DPYSL5: variants seen among roughly 807,000 people sequenced by gnomAD.
DPYSL5 encodes the protein dihydropyrimidinase like 5, also known as dihydropyrimidinase-related protein 5.
DPYSL5 carries 9 observed loss-of-function variants against 58.4 expected under a neutral mutation model. The ratio of observed to expected loss-of-function variants is 0.15; its 90% CI spans 0.09 to 0.27. The LOEUF is 0.27. DPYSL5 is among the 10% of genes least tolerant of loss of function. DPYSL5 has a pLI of 1.00. For synonymous variants in DPYSL5, 293 were observed against 301.9 expected, an observed-to-expected ratio of 0.97 and a Z score of 0.31; for missense variants, 499 against 770.6, an observed-to-expected ratio of 0.65 and a Z score of 4.17.
rs1304751262 is a variant in DPYSL5 at position 26,948,923 on chromosome 2, A to T, written c.*1928A>T. 1.3e-5 allele frequency: 2 copies of T among 152,172 alleles called. No homozygotes were observed. The highest frequency in any genetic ancestry group is 2.9e-5 in the Non-Finnish European group (2 of 68,036). The allele number at this position is 152,172 out of a possible 1,614,324, so 9.4% of individuals were successfully genotyped here. A position where few individuals can be genotyped will look rare whatever the true frequency, so the allele number is the denominator to read the frequency against. ...GTAGTGCTTTTCATGTATTCAAACCACTTCCGTATATGACCTCTCACTTAG... is the reference window on the plus strand; with the variant it reads ...GTAGTGCTTTTCATGTATTCAAACCTCTTCCGTATATGACCTCTCACTTAG... On this transcript the variant is annotated 3_prime_UTR_variant, in exon 13 of 13. Transcript: ENST00000288699.
At chr2:26,932,980 C>T (rs3820821) in intron 6 of DPYSL5, among the ~76,000 whole-genome samples, 89,823 of 152,122 alleles carry the variant, frequency 0.59, 26,875 homozygotes, top group East Asian at 0.68. Context: ...GGAGAAAATG[C>T]GAGGTTCAGA....
chr2:26,873,805 C>G (rs1558326104), intron 1 of DPYSL5, among the ~76,000 whole-genome samples: 1 of 152,144 alleles, frequency 6.6e-6, no homozygotes, highest in Non-Finnish European at 1.5e-5. Flanking sequence ...AGGGGTGGAT[C>G]TTCTTTACTC....
chr2:26,914,900 G>C (rs1664525886), intron 2 of DPYSL5, among the ~76,000 whole-genome samples: 1 of 152,124 alleles, frequency 6.6e-6, no homozygotes, highest in Non-Finnish European at 1.5e-5. Flanking sequence ...GGAAGTTTCT[G>C]TGCCTTGGTA....
intron 6 of DPYSL5, 38 bp downstream of exon 6, chr2:26,931,722 A>T: frequency 6.2e-7 from 1 of 1,611,912 alleles, no homozygotes; most frequent in Non-Finnish European, 8.5e-7. Context: ...TTAGAAACCA[A>T]CCTTGGCCAG....
In DPYSL5 at chr2:26,942,705, G is replaced by T; in HGVS notation, c.1395G>T (p.Arg465Ser). The T allele has an allele frequency of 6.2e-7, 1 of 1,614,080 alleles. No homozygotes were observed. The highest frequency in any genetic ancestry group is 8.5e-7 in the Non-Finnish European group (1 of 1,180,030). Residue 465 changes from arginine to serine, a missense_variant, in exon 11 of 13, where the codon AGG becomes AGT. Around this residue, in one of 3 missense-constraint regions of DPYSL5, gnomAD observed 404 missense variants for 647.6 expected, o/e 0.62. Transcript: ENST00000288699. This position sits in a 1 kb window ranked among gnomAD's most constrained non-coding sequence, Gnocchi z 5.9. ...AEGTGKFCPL[R>S]SFPDTVYKKL... ...GCACCGGCAAGTTCTGTCCCCTGAG[G>T]TCCTTCCCAGACACTGTCTACAAGA... is the stretch of plus-strand genomic sequence containing the variant.
chr2:26,932,155 GAAAGAAAGAAAGA>G lies in DPYSL5; in HGVS notation c.714+474_714+486del, dbSNP rs1665028562. ...AAAGAAAGAGAAAGAAAGAAAGAAAGAAAGAAAGAAAGAAAGAAAGAAAGAAAGAAAGAAAGAA... is the reference window on the plus strand; with the variant it reads ...AAAGAAAGAGAAAGAAAGAAAGAAAGAAGAAAGAAAGAAAGAAAGAAAGAA... On this transcript the variant is annotated intron_variant, in intron 6 of 12. Coordinates refer to ENST00000288699, the MANE Select transcript of DPYSL5 (RefSeq NM_020134.4). Among the ~76,000 whole-genome samples the G allele has an allele frequency of 5.7e-5, 3 of 52,286 alleles. 1 individual carries two copies. The highest frequency in any genetic ancestry group is 2.1e-4 in the African/African-American group (3 of 14,412). 34.3% of individuals were successfully genotyped at this position (52,286 alleles called of 152,430 possible). A position where few individuals can be genotyped will look rare whatever the true frequency, so the allele number is the denominator to read the frequency against.
At chr2:26,885,224 AC>A (rs1358728660) in intron 1 of DPYSL5, among the ~76,000 whole-genome samples, 4 of 151,910 alleles carry the variant, frequency 2.6e-5, no homozygotes, top group African/African-American at 9.7e-5. Flanking sequence ...ATAAAAAAAA[AC>A]CTGTCTCAGG....
Position 26,944,606 on chromosome 2 carries a change from G to T in DPYSL5, c.1441-50G>T. ...AGGGAGGCCATGGTTGTATCACTCA[G>T]CTCTGATGGTGTTGTCCTGTTCTTC... On this transcript the variant is annotated intron_variant, in intron 11 of 12. Transcript: ENST00000288699. The surrounding 1 kb of genome is among the most constrained non-coding windows in gnomAD (Gnocchi z 4.4). 1 of 1,592,940 alleles carries T rather than the reference G, an allele frequency of 6.3e-7. No individual in the cohort carries two copies. Among genetic ancestry groups the T allele is most frequent in the Non-Finnish European group, 8.6e-7 (1 of 1,167,586 alleles).
chr2:26,917,934 G>A (rs562128184), intron 2 of DPYSL5, among the ~76,000 whole-genome samples: 4 of 152,080 alleles, frequency 2.6e-5, no homozygotes, highest in African/African-American at 4.8e-5. Flanking sequence ...TCAGGAGTTC[G>A]AGACCAGCCT....
chr2:26,867,325 CTG>C (rs1666167991), intron 1 of DPYSL5, among the ~76,000 whole-genome samples: 1 of 152,146 alleles, frequency 6.6e-6, no homozygotes, highest in Non-Finnish European at 1.5e-5. Context: ...TTGGAAGAGA[CTG>C]TAGGCCAACT....
At chr2:26,943,304 A>T (rs1665374276) in intron 11 of DPYSL5, among the ~76,000 whole-genome samples, 1 of 152,042 alleles carries the variant, frequency 6.6e-6, no homozygotes, top group Non-Finnish European at 1.5e-5. Context: ...GAAGAAATCC[A>T]CTGCCAGGTC....
chr2:26,867,495 G>A (rs1376981250), intron 1 of DPYSL5, among the ~76,000 whole-genome samples: 3 of 137,378 alleles, frequency 2.2e-5, no homozygotes, highest in Non-Finnish European at 3.0e-5. Context: ...TCGCTCTGTC[G>A]CCCAGGCTGG....
At position 26,944,931 on chromosome 2, in the gene DPYSL5, G is replaced by A. The variant is rs947740904; in HGVS notation, c.1609+107G>A. On this transcript the variant is annotated intron_variant, in intron 12 of 12. Transcript: ENST00000288699. The surrounding 1 kb of genome is among the most constrained non-coding windows in gnomAD (Gnocchi z 4.4). ...TCTTTTGTGTCCTCTCCTCCCTCCC[G>A]TTGCCTATTTCCAGGGATGAGTGCT... The A allele has an allele frequency of 1.4e-5, 16 of 1,113,380 alleles. No individual in the cohort carries two copies. Among genetic ancestry groups the A allele is most frequent in the Admixed American group, 1.2e-4 (5 of 43,440 alleles). 69.0% of individuals were successfully genotyped at this position (1,113,380 alleles called of 1,614,324 possible). A position where few individuals can be genotyped will look rare whatever the true frequency, so the allele number is the denominator to read the frequency against.
intron 1 of DPYSL5, among the ~76,000 whole-genome samples, chr2:26,882,109 AAAAG>A (rs1558329538): frequency 2.0e-5 from 3 of 151,504 alleles, no homozygotes; most frequent in African/African-American, 7.3e-5. Flanking sequence ...AAAAAAAAAA[AAAAG>A]AAAGAAAGGA....
intron 1 of DPYSL5, among the ~76,000 whole-genome samples, chr2:26,883,974 G>A (rs1008286822): frequency 2.0e-5 from 3 of 152,154 alleles, no homozygotes; most frequent in Non-Finnish European, 2.9e-5. Context: ...CCTGGCAGTG[G>A]GTGTGAGCCC....
chr2:26,866,609 T>A (rs1666148115), intron 1 of DPYSL5, among the ~76,000 whole-genome samples: 1 of 152,140 alleles, frequency 6.6e-6, no homozygotes. Context: ...GATATCCCAA[T>A]TACCCTGATT....
At chr2:26,919,498 G>A (rs1010094837) in intron 2 of DPYSL5, among the ~76,000 whole-genome samples, 2 of 152,172 alleles carry the variant, frequency 1.3e-5, no homozygotes, top group South Asian at 4.1e-4. Flanking sequence ...ATATACAATG[G>A]TGCAGTGTCT....
At chr2:26,931,602 G>A (rs979727372) in intron 5 of DPYSL5, 38 bp from the exon 6 acceptor site, 6 of 1,612,976 alleles carry the variant, frequency 3.7e-6, no homozygotes, top group Middle Eastern at 1.7e-4. Flanking sequence ...GGAGGAGATG[G>A]TGAAGTTTGG....
rs1254504013 is a variant in DPYSL5 at position 26,849,263 on chromosome 2, G to C, written c.-5+1009G>C. Among the ~76,000 whole-genome samples the C allele has an allele frequency of 6.6e-6, 1 of 151,972 alleles. No individual in the cohort carries two copies. The highest frequency in any genetic ancestry group is 1.5e-5 in the Non-Finnish European group (1 of 67,932). On this transcript the variant is annotated intron_variant, in intron 1 of 12. Coordinates refer to ENST00000288699, the MANE Select transcript of DPYSL5 (RefSeq NM_020134.4). This position sits in a 1 kb window ranked among gnomAD's most constrained non-coding sequence, Gnocchi z 6.2. ...ATGCAGGCGGGTGGAGGCCGCCTGG[G>C]TTTGAGGAGGGAGGACGGGAGCGAG...
Sources: allele counts gnomAD v4.1 joint callset (sites outside exome capture counted in the v4.1 genomes callset), GRCh38; gene constraint gnomAD v4.1.1; regional missense constraint gnomAD v4.1.1; non-coding constraint Gnocchi (gnomAD v3.1); transcripts MANE v1.5; gene names NCBI Gene and HGNC (gene_info 2026-07-23, HGNC 2026-07-21).